TCF20: variants seen among roughly 807,000 people sequenced by gnomAD.
The protein encoded by TCF20 is transcription factor 20, also known as SPRE-binding protein.
A neutral mutation model predicts 148.6 loss-of-function variants in TCF20; 3 were observed. The observed-to-expected ratio is 0.02, with a 90% CI of 0.01 to 0.05. The LOEUF (loss-of-function observed/expected upper bound fraction) is 0.05, where lower values mean the gene tolerates loss of function less well. TCF20 is among the 10% of genes least tolerant of loss of function. The pLI is 1.00. For synonymous variants in TCF20, 1,049 were observed against 909.5 expected (o/e 1.15, Z -2.76); for missense variants, 2,350 against 2,429.3 (o/e 0.97, Z 0.69).
At chr22:42,183,999 T>TC (rs985635732) in intron 2 of TCF20, among the ~76,000 whole-genome samples, 1 of 152,066 alleles carries the variant, frequency 6.6e-6, no homozygotes, top group African/African-American at 2.4e-5. Context: ...GAACTCCTGA[T>TC]CTCAGGTGAT....
chr22:42,329,792 C>T (rs1472277272), intron 1 of TCF20, among the ~76,000 whole-genome samples: 1 of 152,104 alleles, frequency 6.6e-6, no homozygotes, highest in Non-Finnish European at 1.5e-5. Flanking sequence ...CCTTGCCACT[C>T]CCCCCACCGA....
intron 1 of TCF20, among the ~76,000 whole-genome samples, chr22:42,242,765 T>C (rs1489282942): frequency 6.6e-6 from 1 of 151,806 alleles, no homozygotes. Context: ...TGGGCACCTG[T>C]AATCCCAGCT....
chr22:42,303,951 T>G (rs1601699913), intron 1 of TCF20, among the ~76,000 whole-genome samples: 1 of 147,786 alleles, frequency 6.8e-6, no homozygotes, highest in Admixed American at 6.7e-5. Flanking sequence ...GGAGAAAGAG[T>G]GAAGAGGGGC....
chr22:42,230,560 G>A (rs1923307552), intron 1 of TCF20, among the ~76,000 whole-genome samples: 1 of 151,964 alleles, frequency 6.6e-6, no homozygotes, highest in African/African-American at 2.4e-5. Context: ...GCAGAGAATC[G>A]CTTGAACCTG....
intron 1 of TCF20, among the ~76,000 whole-genome samples, chr22:42,332,240 T>C (rs978254117): frequency 6.6e-6 from 1 of 152,218 alleles, no homozygotes; most frequent in African/African-American, 2.4e-5. Context: ...CTGAGGGTAT[T>C]AGCCAGGCAG....
chr22:42,288,537 G>GAAA (rs397867980), upstream of TCF20, among the ~76,000 whole-genome samples: 6 of 73,442 alleles, frequency 8.2e-5, no homozygotes, highest in Non-Finnish European at 1.3e-4. Context: ...TCCATCTCAG[G>GAAA]AAAAAAAAAA....
At chr22:42,255,528 A>ACC (rs1273603426) in intron 1 of TCF20, among the ~76,000 whole-genome samples, 27 of 134,372 alleles carry the variant, frequency 2.0e-4, no homozygotes, top group African/African-American at 7.0e-4. Context: ...CAACAACAAC[A>ACC]AAACCACATT....
In TCF20 at chr22:42,161,357, A is replaced by T; in HGVS notation, c.*46T>A. 1 of 1,613,982 alleles carries T rather than the reference A, an allele frequency of 6.2e-7. No individual in the cohort carries two copies. The highest frequency in any genetic ancestry group is 8.5e-7 in the Non-Finnish European group (1 of 1,179,946). On this transcript the variant is annotated splice_region_variant and 3_prime_UTR_variant, in exon 6 of 6. Coordinates refer to ENST00000677622, the MANE Select transcript of TCF20 (RefSeq NM_001378418.1). ...ACCACCTTCTCATCTCCACAGTCTC[A>T]CCTGGAAGACAAGGGACACACAGTG...
upstream of TCF20, among the ~76,000 whole-genome samples, chr22:42,272,368 G>T (rs532800551): frequency 1.3e-5 from 2 of 151,362 alleles, no homozygotes; most frequent in East Asian, 1.9e-4. Context: ...ACTGGTGTTG[G>T]GGGCACCCTT....
At chr22:42,217,080 C>T (rs1162429272) in intron 1 of TCF20, among the ~76,000 whole-genome samples, 1 of 152,206 alleles carries the variant, frequency 6.6e-6, no homozygotes, top group African/African-American at 2.4e-5. Flanking sequence ...GCAGGAAAGT[C>T]AACAACCTTT....
At chr22:42,182,867 G>GCTA (rs1482524026) in intron 2 of TCF20, among the ~76,000 whole-genome samples, 1 of 152,164 alleles carries the variant, frequency 6.6e-6, no homozygotes, top group Non-Finnish European at 1.5e-5. Flanking sequence ...TTCCCAAGTA[G>GCTA]CTAGGATTAC....
intron 1 of TCF20, among the ~76,000 whole-genome samples, chr22:42,238,284 C>CT (rs1364638811): frequency 3.9e-5 from 6 of 152,212 alleles, no homozygotes; most frequent in Non-Finnish European, 7.3e-5. Context: ...CAGCTTCTTA[C>CT]TTTTTTCAGC....
rs753018257 is a variant in TCF20 at position 42,214,769 on chromosome 22, TTGCTGC to T, written c.531_536del (p.Gln178_Gln179del). The T allele has an allele frequency of 3.1e-6, 5 of 1,613,446 alleles. No individual in the cohort carries two copies. The East Asian group carries it at 1.1e-4, about 36-fold the overall frequency. On this transcript the variant is annotated inframe_deletion, in exon 2 of 6. Transcript: ENST00000677622. ...AAAGCTGTTGTCTCAACTGCTGGAC[TTGCTGC>T]TGCTGCTGCTGGCTGGAAGCCTGCT... is the stretch of plus-strand genomic sequence containing the variant.
rs964309065 is a variant in TCF20, at chr22:42,279,559, C to A, written c.-37+4268G>T. Among the ~76,000 whole-genome samples, 1 of 152,190 alleles carries A rather than the reference C, an allele frequency of 6.6e-6. No individual in the cohort carries two copies. The highest frequency in any genetic ancestry group is 1.5e-5 in the Non-Finnish European group (1 of 68,034). Reference sequence around the variant, plus strand: ...AGCTCCTGAAGCCTCAGCCTTTTCACCCGTAGAACAGGGACATTAACATCA... The same window carrying A: ...AGCTCCTGAAGCCTCAGCCTTTTCAACCGTAGAACAGGGACATTAACATCA... On this transcript the variant is annotated intron_variant, in intron 1 of 5. Coordinates refer to the TCF20 transcript ENST00000359486. This position sits in a 1 kb window ranked among gnomAD's most constrained non-coding sequence, Gnocchi z 4.3.
At chr22:42,173,413 A>C (rs981089385) in intron 3 of TCF20, among the ~76,000 whole-genome samples, 1 of 152,150 alleles carries the variant, frequency 6.6e-6, no homozygotes, top group Non-Finnish European at 1.5e-5. Flanking sequence ...CAGATCATGA[A>C]ACAAAGATTC....
chr22:42,299,089 C>T lies in TCF20; in HGVS notation c.-37+44390G>A, dbSNP rs754254704. On this transcript the variant is annotated intron_variant, in intron 1 of 1. Coordinates refer to the TCF20 transcript ENST00000515426. This position sits in a 1 kb window ranked among gnomAD's most constrained non-coding sequence, Gnocchi z 4.1. ...TTCCCACACCCACCGCCTGCCCAGA[C>T]CCCTGCTGTGGAGGGGAACGGAGAC... 6.6e-6 allele frequency among the ~76,000 whole-genome samples: 1 copy of T among 152,224 alleles called. No homozygotes were observed. Among genetic ancestry groups the T allele is most frequent in the Non-Finnish European group, 1.5e-5 (1 of 68,038 alleles).
intron 1 of TCF20, among the ~76,000 whole-genome samples, chr22:42,225,153 G>A (rs771528593): frequency 3.3e-5 from 5 of 151,782 alleles, no homozygotes; most frequent in Non-Finnish European, 5.9e-5. Context: ...CTGCCACCAC[G>A]TCCGGCTAAT....
At chr22:42,304,057 T>G in intron 1 of TCF20, among the ~76,000 whole-genome samples, 1 of 151,192 alleles carries the variant, frequency 6.6e-6, no homozygotes, top group Non-Finnish European at 1.5e-5. Context: ...CAAAGCTAGG[T>G]CCCAGCCAGC....
chr22:42,177,872 A>G (rs898695139), intron 3 of TCF20, among the ~76,000 whole-genome samples: 1 of 151,498 alleles, frequency 6.6e-6, no homozygotes, highest in Admixed American at 6.6e-5. Flanking sequence ...AAACCCTTGG[A>G]ATTTCCTGGA....
Sources: gnomAD v4.1 joint callset for allele counts (sites outside exome capture counted in the v4.1 genomes callset) on GRCh38, gnomAD v4.1.1 for gene constraint, Gnocchi (gnomAD v3.1) non-coding constraint, MANE v1.5 for transcripts, NCBI Gene and HGNC (gene_info 2026-07-23, HGNC 2026-07-21) for gene names.